BRD8: variants seen among roughly 807,000 people sequenced by gnomAD.
BRD8 encodes bromodomain containing 8, also known as bromodomain-containing protein 8.
BRD8 carries 67 observed loss-of-function variants against 143.1 expected under a neutral mutation model. The observed-to-expected ratio is 0.47, with a 90% CI of 0.38 to 0.57. The LOEUF (loss-of-function observed/expected upper bound fraction) is 0.57, where lower values mean the gene tolerates loss of function less well. Ranked by LOEUF, BRD8 falls within the 20% of genes least tolerant of loss-of-function variation. The pLI is 0.00. For missense variants in BRD8, 1,103 were observed against 1,503.0 expected, an observed-to-expected ratio of 0.73 and a Z score of 4.40; for synonymous variants, 505 against 517.1, an observed-to-expected ratio of 0.98 and a Z score of 0.32.
chr5:138,161,176 GCTGCCAGGA>G, intron 17 of BRD8, 108 bp from the exon 18 acceptor site: 1 of 848,472 alleles, frequency 1.2e-6, no homozygotes, highest in Non-Finnish European at 1.7e-6. Context: ...TTAACTCCCA[GCTGCCAGGA>G]CTTAAATGCT....
In BRD8 at chr5:138,152,614, C is replaced by G; in HGVS notation, c.2724G>C (p.Glu908Asp). 6 of 1,614,186 alleles carry G rather than the reference C, an allele frequency of 3.7e-6. No individual in the cohort carries two copies. The highest frequency in any genetic ancestry group is 3.4e-6 in the Non-Finnish European group (4 of 1,180,040). Residue 908 changes from glutamate (E) to aspartate (D), a missense_variant, in exon 21 of 27, where the codon GAG becomes GAC. Glu to Asp is a conservative substitution (Grantham distance 45). Transcript: ENST00000254900. ...GGCTGCTTTCCTCTAGTTCCTCAGCCTCTGGATCCTCAGTTTCCCTCCAGT... is the reference window on the plus strand; with the variant it reads ...GGCTGCTTTCCTCTAGTTCCTCAGCGTCTGGATCCTCAGTTTCCCTCCAGT... ...VGNWRETEDP[E>D]AEELEESSPE...
At chr5:138,165,504 T>C (rs2269955) in intron 11 of BRD8, among the ~76,000 whole-genome samples, 44,952 of 151,976 alleles carry the variant, frequency 0.3, 7,555 homozygotes, top group South Asian at 0.43. Flanking sequence ...GGTGGGTGGA[T>C]CACTTGAGGC....
intron 12 of BRD8, 25 bp downstream of exon 12, chr5:138,164,689 C>T: frequency 6.2e-7 from 1 of 1,611,804 alleles, no homozygotes; most frequent in Non-Finnish European, 8.5e-7. Flanking sequence ...CCTCCATCTC[C>T]CCAGCCCCGA....
rs1753612809 is a variant in BRD8, at chr5:138,168,416, C to T, written c.643-338G>A. On this transcript the variant is annotated intron_variant, in intron 8 of 26. Coordinates refer to ENST00000254900, the MANE Select transcript of BRD8 (RefSeq NM_139199.2). ...GTCACATTTTAGGTCCCAGGCACTC[C>T]CTTCCAAGTACTAAATCACCACAGC... The T allele has an allele frequency of 2.2e-5, 27 of 1,251,626 alleles. No individual in the cohort carries two copies. The Middle Eastern group carries it at 8.0e-4, about 37-fold the overall frequency. The allele number at this position is 1,251,626 out of a possible 1,614,324, so 77.5% of individuals were successfully genotyped here.
At chr5:138,152,022 T>A (rs1398250486) in intron 21 of BRD8, among the ~76,000 whole-genome samples, 1 of 151,716 alleles carries the variant, frequency 6.6e-6, no homozygotes, top group Non-Finnish European at 1.5e-5. Flanking sequence ...GCCCGGCTAA[T>A]TTTTTGTATT....
At chr5:138,158,789 A>G (rs1307492703) in intron 20 of BRD8, among the ~76,000 whole-genome samples, 2 of 139,592 alleles carry the variant, frequency 1.4e-5, no homozygotes, top group Non-Finnish European at 3.1e-5. Flanking sequence ...CTTTTGAGAC[A>G]AGGTCTCGCT....
At chr5:138,157,406 A>T in intron 20 of BRD8, 1 of 1,087,250 alleles carries the variant, frequency 9.2e-7, no homozygotes, top group Non-Finnish European at 1.3e-6. Flanking sequence ...TGAGGGGCAT[A>T]TTTCTGTCTT....
chr5:138,162,341 C>T (rs1753061064), intron 15 of BRD8, among the ~76,000 whole-genome samples, 195 bp from the exon 16 acceptor site: 1 of 152,108 alleles, frequency 6.6e-6, no homozygotes, highest in Non-Finnish European at 1.5e-5. Context: ...ACTATAGGTG[C>T]ATACCACCAT....
intron 4 of BRD8, 54 bp from the exon 5 acceptor site, chr5:138,171,214 C>A: frequency 6.5e-7 from 1 of 1,539,626 alleles, no homozygotes; most frequent in Non-Finnish European, 8.9e-7. Flanking sequence ...ACATTTATCC[C>A]CTCTCCTACT....
At chr5:138,171,684 T>C (rs1381724141) in intron 3 of BRD8, among the ~76,000 whole-genome samples, 1 of 152,232 alleles carries the variant, frequency 6.6e-6, no homozygotes, top group African/African-American at 2.4e-5. Flanking sequence ...ACCAAGTAGT[T>C]ACTACATGCA....
intron 20 of BRD8, chr5:138,156,974 A>G: frequency 7.4e-7 from 1 of 1,352,468 alleles, no homozygotes; most frequent in Non-Finnish European, 9.5e-7. Context: ...GACAATACAA[A>G]CTAGCTACGA....
Position 138,171,331 on chromosome 5 carries a change from T to C in BRD8, c.236+30A>G, listed in dbSNP as rs562784608. ...CAGTAAATACTCTCCACTAAAGAAA[T>C]ATGGCTGAAGTACCTGGCTTTGTAC... On this transcript the variant is annotated intron_variant, in intron 4 of 26. Transcript: ENST00000254900. The C allele has an allele frequency of 4.2e-5, 67 of 1,583,678 alleles. 2 individuals are homozygous for C. The South Asian group carries it at 7.1e-4, about 17-fold the overall frequency.
At chr5:138,145,724 T>G in intron 24 of BRD8, 65 bp downstream of exon 24, 1 of 1,400,808 alleles carries the variant, frequency 7.1e-7, no homozygotes, top group South Asian at 1.2e-5. Context: ...CTTTTATGCT[T>G]AAACCCCAAT....
At chr5:138,156,886 G>GT (rs149061975) in intron 20 of BRD8, 3,925 of 896,626 alleles carry the variant, frequency 4.4e-3, no homozygotes, top group South Asian at 8.3e-3. Flanking sequence ...CCAAAGGCTA[G>GT]TTTTTTTTTT....
rs541553687 is a variant in BRD8 at position 138,165,492 on chromosome 5, G to A, written c.1279-326C>T. ...TGTAATCTCAGCACTTTGGGAGGCC[G>A]AGGTGGGTGGATCACTTGAGGCCAG... On this transcript the variant is annotated intron_variant, in intron 11 of 26. Transcript: ENST00000254900. Among the ~76,000 whole-genome samples, 48 of 152,230 alleles carry A rather than the reference G, an allele frequency of 3.2e-4. No individual in the cohort carries two copies. The South Asian group carries it at 8.1e-3, about 26-fold the overall frequency.
intron 25 of BRD8, among the ~76,000 whole-genome samples, chr5:138,142,136 G>A (rs1030879081): frequency 2.0e-5 from 3 of 152,086 alleles, no homozygotes; most frequent in Admixed American, 2.0e-4. Context: ...GCTCCATATC[G>A]AAGAGAGTGC....
chr5:138,178,498 C>G, intron 1 of BRD8, 98 bp downstream of exon 1: 1 of 1,156,814 alleles, frequency 8.6e-7, no homozygotes, highest in Non-Finnish European at 1.3e-6. Flanking sequence ...GGCTCTCAAG[C>G]AACCCACTTC....
chr5:138,153,283 G>A (rs1752439956), intron 20 of BRD8, among the ~76,000 whole-genome samples: 1 of 152,132 alleles, frequency 6.6e-6, no homozygotes, highest in Non-Finnish European at 1.5e-5. Flanking sequence ...GAAACATTAA[G>A]CTTAAAATAT....
At chr5:138,156,979 C>G (rs1752643392) in intron 20 of BRD8, 1 of 1,347,876 alleles carries the variant, frequency 7.4e-7, no homozygotes, top group Non-Finnish European at 9.5e-7. Flanking sequence ...TACAAACTAG[C>G]TACGATCTGC....
Sources: gnomAD v4.1 joint callset for allele counts (sites outside exome capture counted in the v4.1 genomes callset) on GRCh38, gnomAD v4.1.1 for gene constraint, MANE v1.5 for transcripts, NCBI Gene and HGNC (gene_info 2026-07-23, HGNC 2026-07-21) for gene names.